The following RAPH1 variants were observed in gnomAD, a reference collection of about 807,000 sequenced individuals.
RAPH1 encodes the protein Ras association (RalGDS/AF-6) and pleckstrin homology domains 1, also known as ras-associated and pleckstrin homology domains-containing protein 1.
RAPH1 carries 18 observed loss-of-function variants against 88.1 expected under a neutral mutation model. The ratio of observed to expected loss-of-function variants is 0.20; its 90% CI spans 0.14 to 0.30. The LOEUF (loss-of-function observed/expected upper bound fraction) is 0.30, where lower values mean the gene tolerates loss of function less well. RAPH1 is among the 10% of genes least tolerant of loss of function. RAPH1 has a pLI of 1.00. For missense variants in RAPH1, 1,448 were observed against 1,543.2 expected (o/e 0.94, Z 1.03); for synonymous variants, 587 against 559.0 (o/e 1.05, Z -0.71).
chr2:203,464,707 CAA>C lies in RAPH1; in HGVS notation c.733-2784_733-2783del, dbSNP rs1231775726. Among the ~76,000 whole-genome samples the C allele has an allele frequency of 3.3e-5, 5 of 151,518 alleles. No homozygotes were observed. The East Asian group carries it at 9.7e-4, about 29-fold the overall frequency. ...AGGAATATTCAAGAGAATGAGAAGA[CAA>C]GGGATAAACTGGGAGAAAAAATATT... On this transcript the variant is annotated intron_variant, in intron 4 of 13. Coordinates refer to ENST00000319170, the MANE Select transcript of RAPH1 (RefSeq NM_213589.3).
intron 1 of RAPH1, among the ~76,000 whole-genome samples, chr2:203,505,445 C>CT (rs956472447): frequency 2.0e-5 from 3 of 151,818 alleles, no homozygotes; most frequent in African/African-American, 7.3e-5. Context: ...TAAATTACCC[C>CT]CCCCGGGTCC....
In RAPH1 at chr2:203,495,239, T is replaced by C. The variant is rs1331805295; in HGVS notation, c.115A>G (p.Thr39Ala). ...GAWLGELDKLTQSLDSDKPME... is the reference protein window; with the variant it reads ...GAWLGELDKLAQSLDSDKPME... ...GTTTTTCAAGCACTACTCACCTGAG[T>C]GAGTTTGTCTAGTTCTCCAAGCCAG... The change falls in exon 2 of 14, where the codon ACT becomes GCT. Residue 39 changes from threonine to alanine, a missense_variant. Physicochemically the swap from Thr to Ala is moderately conservative, Grantham distance 58 (BLOSUM62 0). Coordinates refer to ENST00000319170, the MANE Select transcript of RAPH1 (RefSeq NM_213589.3). 3.1e-6 allele frequency: 5 copies of C among 1,614,032 alleles called. No individual in the cohort carries two copies. Among genetic ancestry groups the C allele is most frequent in the African/African-American group, 2.7e-5 (2 of 75,042 alleles).
intron 4 of RAPH1, among the ~76,000 whole-genome samples, chr2:203,480,393 T>G (rs1687669693): frequency 6.6e-6 from 1 of 151,904 alleles, no homozygotes; most frequent in Non-Finnish European, 1.5e-5. Flanking sequence ...TAAAAAATTA[T>G]AAAGACAGGC....
chr2:203,468,941 A>C (rs1381474515), intron 4 of RAPH1, among the ~76,000 whole-genome samples: 1 of 152,242 alleles, frequency 6.6e-6, no homozygotes, highest in Non-Finnish European at 1.5e-5. Flanking sequence ...AGATGATCAG[A>C]GGGCTTAAAC....
chr2:203,516,160 C>A (rs998533638), intron 1 of RAPH1, among the ~76,000 whole-genome samples: 1 of 152,032 alleles, frequency 6.6e-6, no homozygotes, highest in Non-Finnish European at 1.5e-5. Context: ...TCACATTACA[C>A]CCATGAAGTG....
chr2:203,522,192 T>C (rs1399254648), intron 1 of RAPH1, among the ~76,000 whole-genome samples: 2 of 152,216 alleles, frequency 1.3e-5, no homozygotes, highest in Non-Finnish European at 1.5e-5. Flanking sequence ...ATATCTGTTT[T>C]AGTCTCCTGT....
At chr2:203,526,072 T>C (rs1690101591) in intron 1 of RAPH1, among the ~76,000 whole-genome samples, 1 of 152,192 alleles carries the variant, frequency 6.6e-6, no homozygotes, top group Non-Finnish European at 1.5e-5. Flanking sequence ...AATACTTAAT[T>C]TTTTATTTTT....
chr2:203,450,718 T>C (rs536529774), intron 10 of RAPH1, among the ~76,000 whole-genome samples: 118 of 152,354 alleles, frequency 7.7e-4, no homozygotes, highest in Middle Eastern at 3.4e-3. Flanking sequence ...TTCTGCTTCA[T>C]GGAGGCACTG....
chr2:203,457,452 G>A, intron 8 of RAPH1, 78 bp downstream of exon 8: 1 of 1,124,840 alleles, frequency 8.9e-7, no homozygotes, highest in Non-Finnish European at 1.4e-6. Context: ...CCGAAGTGTT[G>A]GGATTGCAGG....
At chr2:203,445,038 G>T in intron 12 of RAPH1, 28 bp from the exon 13 acceptor site, 3 of 1,599,762 alleles carry the variant, frequency 1.9e-6, no homozygotes, top group Non-Finnish European at 1.7e-6. Context: ...TTAAACATAG[G>T]TTTAAAAGAG....
intron 1 of RAPH1, among the ~76,000 whole-genome samples, chr2:203,525,505 G>A (rs1055720677): frequency 3.3e-5 from 5 of 151,528 alleles, no homozygotes; most frequent in African/African-American, 1.2e-4. Flanking sequence ...TCATACAATT[G>A]AATATTACCA....
At position 203,435,217 on chromosome 2, in the gene RAPH1, T is replaced by C. The variant is rs536365604; in HGVS notation, c.*4220A>G. The C allele has an allele frequency of 6.6e-6, 1 of 152,110 alleles. No individual in the cohort carries two copies. The highest frequency in any genetic ancestry group is 1.5e-5 in the Non-Finnish European group (1 of 68,016). The allele number at this position is 152,110 out of a possible 1,614,324, so 9.4% of individuals were successfully genotyped here. ...TTGTTTTATTTGAGGGATAAAGGTG[T>C]AGAAATTTTCTCTTTGAATTTTATA... On this transcript the variant is annotated 3_prime_UTR_variant, in exon 14 of 14. Coordinates refer to ENST00000319170, the MANE Select transcript of RAPH1 (RefSeq NM_213589.3).
rs374366573 is a variant in RAPH1, at chr2:203,455,434, C to T, written c.1302+3G>A. The T allele has an allele frequency of 6.2e-7, 1 of 1,611,890 alleles. No homozygotes were observed. Among genetic ancestry groups the T allele is most frequent in the South Asian group, 1.1e-5 (1 of 90,326 alleles). On this transcript the variant is annotated splice_donor_region_variant and intron_variant, in intron 9 of 13. Transcript: ENST00000319170. Reference sequence around the variant, plus strand: ...AGTTCAAATTCCAACAGAAGGGACACACCTTTGCTTTTCCTTTGGGAACAT... The same window carrying T: ...AGTTCAAATTCCAACAGAAGGGACATACCTTTGCTTTTCCTTTGGGAACAT...
At chr2:203,498,969 T>C (rs1688627719) in intron 1 of RAPH1, among the ~76,000 whole-genome samples, 1 of 152,178 alleles carries the variant, frequency 6.6e-6, no homozygotes, top group African/African-American at 2.4e-5. Context: ...AGTAACATGC[T>C]GTACAGGTTG....
chr2:203,495,397 T>A, intron 1 of RAPH1, 44 bp from the exon 2 acceptor site: 1 of 1,606,962 alleles, frequency 6.2e-7, no homozygotes, highest in Non-Finnish European at 8.5e-7. Context: ...AAGTTACAGG[T>A]TTAACTTGAA....
chr2:203,485,005 C>T (rs893626824), intron 4 of RAPH1, among the ~76,000 whole-genome samples: 3 of 152,176 alleles, frequency 2.0e-5, no homozygotes, highest in African/African-American at 4.8e-5. Flanking sequence ...AACACCCTGG[C>T]TTAGGGAAAC....
intron 1 of RAPH1, among the ~76,000 whole-genome samples, chr2:203,508,917 A>AT (rs1689207211): frequency 6.6e-6 from 1 of 152,158 alleles, no homozygotes; most frequent in Non-Finnish European, 1.5e-5. Flanking sequence ...GGTTTTTATT[A>AT]TGTATGCATA....
rs1462009830 is a variant in RAPH1 at position 203,433,928 on chromosome 2, C to G, written c.*5509G>C. 6.6e-6 allele frequency: 1 copy of G among 152,348 alleles called. No individual in the cohort carries two copies. Among genetic ancestry groups the G allele is most frequent in the African/African-American group, 2.4e-5 (1 of 41,350 alleles). 9.4% of individuals were successfully genotyped at this position (152,348 alleles called of 1,614,324 possible). A position where few individuals can be genotyped will look rare whatever the true frequency, so the allele number is the denominator to read the frequency against. On this transcript the variant is annotated 3_prime_UTR_variant, in exon 14 of 14. Coordinates refer to ENST00000319170, the MANE Select transcript of RAPH1 (RefSeq NM_213589.3). ...GTACGACTAGTGTGCTAAGCCATTACAATAGTTTACTGACATAACTGGCAA... is the reference window on the plus strand; with the variant it reads ...GTACGACTAGTGTGCTAAGCCATTAGAATAGTTTACTGACATAACTGGCAA...
chr2:203,456,008 CAAAACAAAAACA>C (rs144160900), intron 8 of RAPH1, among the ~76,000 whole-genome samples: 66,687 of 150,590 alleles, frequency 0.44, 16,699 homozygotes, highest in Middle Eastern at 0.69. Flanking sequence ...GACTCTGTCT[CAAAACAAAAACA>C]AAAACAAAAA....
Sources: gnomAD v4.1 joint callset for allele counts (sites outside exome capture counted in the v4.1 genomes callset) on GRCh38, gnomAD v4.1.1 for gene constraint, MANE v1.5 for transcripts, NCBI Gene and HGNC (gene_info 2026-07-23, HGNC 2026-07-21) for gene names.